The following AGBL3 variants were observed in gnomAD, a reference collection of about 807,000 sequenced individuals.
AGBL3 encodes cytosolic carboxypeptidase 3.
A neutral mutation model predicts 94.5 loss-of-function variants in AGBL3; 68 were observed. The observed-to-expected ratio is 0.72, with a 90% CI of 0.59 to 0.88. AGBL3 has a LOEUF of 0.88. Ranked by LOEUF, AGBL3 falls within the 40% of genes least tolerant of loss-of-function variation. The pLI is 0.00. For missense variants in AGBL3, 934 were observed against 1,103.8 expected, an observed-to-expected ratio of 0.85 and a Z score of 2.18; for synonymous variants, 354 against 370.7, an observed-to-expected ratio of 0.95 and a Z score of 0.52.
chr7:135,112,554 T>C (rs942068624), intron 15 of AGBL3, among the ~76,000 whole-genome samples: 2 of 152,194 alleles, frequency 1.3e-5, no homozygotes, highest in African/African-American at 2.4e-5. Flanking sequence ...TTGTGTTCAT[T>C]CATTTACCCC....
intron 16 of AGBL3, 136 bp from the exon 17 acceptor site, chr7:135,134,705 A>G (rs1379780522): frequency 7.5e-6 from 6 of 801,500 alleles, no homozygotes; most frequent in Non-Finnish European, 9.5e-6. Context: ...CTTCTAAATG[A>G]TGGTAAAATT....
chr7:135,035,071 C>G (rs2116456571), intron 7 of AGBL3, 143 bp downstream of exon 7: 2 of 753,074 alleles, frequency 2.7e-6, no homozygotes, highest in East Asian at 6.0e-5. Context: ...CCCCGTTATT[C>G]ACAACTGTGA....
intron 5 of AGBL3, among the ~76,000 whole-genome samples, chr7:135,027,193 G>A (rs776662613): frequency 1.2e-4 from 18 of 151,340 alleles, no homozygotes; most frequent in Non-Finnish European, 2.2e-4. Context: ...GGACTAGGGT[G>A]CGCACCACCA....
At chr7:135,096,480 C>G (rs575223080) in intron 15 of AGBL3, among the ~76,000 whole-genome samples, 31 of 147,460 alleles carry the variant, frequency 2.1e-4, no homozygotes, top group Admixed American at 1.7e-3. Context: ...ACATATACAA[C>G]TAGGAAGATA....
At position 135,128,962 on chromosome 7, in the gene AGBL3, G is replaced by A. The variant is rs1828341750; in HGVS notation, c.2343-5879G>A. The A allele has an allele frequency of 5.7e-6, 9 of 1,580,844 alleles. No individual in the cohort carries two copies. The South Asian group carries it at 1.0e-4, about 18-fold the overall frequency. On this transcript the variant is annotated intron_variant, in intron 16 of 16. Transcript: ENST00000436302. Reference sequence around the variant, plus strand: ...TTCTGTAAGAAGCTGGGTAGTGAATGCATGTACTTCTTGGAGTGCAGGCAT... The same window carrying A: ...TTCTGTAAGAAGCTGGGTAGTGAATACATGTACTTCTTGGAGTGCAGGCAT...
At position 135,089,986 on chromosome 7, in the gene AGBL3, C is replaced by T. The variant is rs569145317; in HGVS notation, c.2110+8196C>T. On this transcript the variant is annotated intron_variant, in intron 15 of 16. Transcript: ENST00000436302. Reference sequence around the variant, plus strand: ...GCCAGGATCTGTGAATCTGAGGCATCCCATGGGGCCAGGTTGTAGCTGTAA... The same window carrying T: ...GCCAGGATCTGTGAATCTGAGGCATTCCATGGGGCCAGGTTGTAGCTGTAA... 2.6e-5 allele frequency among the ~76,000 whole-genome samples: 4 copies of T among 152,278 alleles called. No individual in the cohort carries two copies. In the East Asian group the frequency reaches 7.7e-4, roughly 29 times the overall value.
intron 8 of AGBL3, 33 bp from the exon 9 acceptor site, chr7:135,043,992 C>A (rs1010018817): frequency 4.9e-5 from 76 of 1,537,578 alleles, no homozygotes; most frequent in Non-Finnish European, 6.6e-5. Context: ...GGTACCAGAA[C>A]AACGAGTCTC....
intron 16 of AGBL3, chr7:135,128,501 A>G: frequency 4.0e-6 from 3 of 758,184 alleles, no homozygotes; most frequent in Admixed American, 1.7e-5. Flanking sequence ...AGTATTTACG[A>G]TGGAGATGAA....
chr7:135,015,454 A>T (rs1813660958), intron 4 of AGBL3, among the ~76,000 whole-genome samples: 1 of 152,164 alleles, frequency 6.6e-6, no homozygotes, highest in East Asian at 1.9e-4. Context: ...CCCTGTTTCA[A>T]ATACAACGTA....
At chr7:135,002,322 GGAGTTTTATAGACA>G (rs1453356990) in intron 4 of AGBL3, among the ~76,000 whole-genome samples, 11 of 152,182 alleles carry the variant, frequency 7.2e-5, no homozygotes, top group African/African-American at 2.4e-5. Context: ...CTCTCCTGGT[GGAGTTTTATAGACA>G]GCACTTACTT....
Position 134,993,543 on chromosome 7 carries a change from GA to G in AGBL3, c.177del (p.Glu59AspfsTer4). On this transcript the variant is annotated frameshift_variant, in exon 4 of 17. Transcript: ENST00000436302. LOFTEE classifies it high-confidence loss of function. ...CCCCCGGACTACACAGATACTATTA[GA>G]ATATCAGCTAGGGAGATGGGTGCCA... ...FFPRTTQILLEYQLGRWVPRL... is the reference protein window; with the variant it reads ...FFPRTTQILLXYQLGRWVPRL... 6.4e-7 allele frequency: 1 copy of G among 1,551,654 alleles called. No homozygotes were observed. The highest frequency in any genetic ancestry group is 8.7e-7 in the Non-Finnish European group (1 of 1,146,958).
In AGBL3 at chr7:135,037,427, G is replaced by A; in HGVS notation, c.1347G>A (p.Glu449=). ...TCTTTCTTCCTGGCAGACTGATGGAGAAACGAGAGGTTATTTTATACTGTG... is the reference window on the plus strand; with the variant it reads ...TCTTTCTTCCTGGCAGACTGATGGAAAAACGAGAGGTTATTTTATACTGTG... ...YTRNMVHRLM[E]KREVILYCDL... is the part of the protein sequence containing the mutation. The change falls in exon 8 of 17, where the codon GAG becomes GAA. Residue 449 remains glutamate (E), a synonymous_variant. Transcript: ENST00000436302. 1 of 1,540,552 alleles carries A rather than the reference G, an allele frequency of 6.5e-7. No individual in the cohort carries two copies.
intron 12 of AGBL3, among the ~76,000 whole-genome samples, chr7:135,068,798 A>T (rs1404458399): frequency 5.3e-5 from 8 of 152,246 alleles, no homozygotes; most frequent in Non-Finnish European, 1.0e-4. Flanking sequence ...AATTGTAAAG[A>T]CCATCGATGC....
chr7:135,005,547 A>G (rs1812283571), intron 4 of AGBL3, among the ~76,000 whole-genome samples: 2 of 151,930 alleles, frequency 1.3e-5, no homozygotes, highest in Non-Finnish European at 3.0e-5. Flanking sequence ...CAGTTGACAT[A>G]TAGGTTTCAA....
chr7:134,990,026 A>G (rs560547135), intron 3 of AGBL3, among the ~76,000 whole-genome samples: 1 of 152,260 alleles, frequency 6.6e-6, no homozygotes, highest in East Asian at 1.9e-4. Context: ...AATTTTGCCA[A>G]GCTATTAGAA....
chr7:135,051,335 T>A (rs2116620238), intron 11 of AGBL3, among the ~76,000 whole-genome samples: 1 of 152,212 alleles, frequency 6.6e-6, no homozygotes, highest in East Asian at 1.9e-4. Flanking sequence ...TGTGCTCTAA[T>A]CAATTTCAGT....
intron 16 of AGBL3, among the ~76,000 whole-genome samples, chr7:135,133,350 T>G (rs1829059463): frequency 1.3e-5 from 2 of 152,228 alleles, no homozygotes; most frequent in South Asian, 4.1e-4. Context: ...AGATGTCAGT[T>G]CTTCCCAGCT....
intron 15 of AGBL3, among the ~76,000 whole-genome samples, chr7:135,099,153 T>C (rs1301228363): frequency 6.8e-6 from 1 of 148,144 alleles, no homozygotes; most frequent in African/African-American, 2.5e-5. Flanking sequence ...TATGTTAGAC[T>C]ATTTTTTGGT....
rs553743301 is a variant in AGBL3 at position 135,043,568 on chromosome 7, A to T, written c.1501-457A>T. Among the ~76,000 whole-genome samples the T allele has an allele frequency of 2.4e-3, 373 of 152,246 alleles. 1 individual carries two copies. Among genetic ancestry groups the T allele is most frequent in the Admixed American group, 8.2e-3 (126 of 15,278 alleles). ...AATAATAATTTAATTATACATTTTTAAAAAAGTAAAAGTATAATTGGGTTA... is the reference window on the plus strand; with the variant it reads ...AATAATAATTTAATTATACATTTTTTAAAAAGTAAAAGTATAATTGGGTTA... On this transcript the variant is annotated intron_variant, in intron 8 of 16. Coordinates refer to ENST00000436302, the MANE Select transcript of AGBL3 (RefSeq NM_178563.4).
Sources: allele counts gnomAD v4.1 joint callset (sites outside exome capture counted in the v4.1 genomes callset), GRCh38; gene constraint gnomAD v4.1.1; transcripts MANE v1.5; gene names NCBI Gene and HGNC (gene_info 2026-07-23, HGNC 2026-07-21).